ANKFN1: variants seen among roughly 807,000 people sequenced by gnomAD.
The protein encoded by ANKFN1 is ankyrin repeat and fibronectin type III domain containing 1.
A neutral mutation model predicts 108.7 loss-of-function variants in ANKFN1; 74 were observed. The ratio of observed to expected loss-of-function variants is 0.68; its 90% CI spans 0.56 to 0.83. The LOEUF (loss-of-function observed/expected upper bound fraction) is 0.83. ANKFN1 is among the 40% of genes least tolerant of loss of function. The pLI is 0.00. For missense variants in ANKFN1, 1,505 were observed against 1,382.3 expected (o/e 1.09, Z -1.41); for synonymous variants, 547 against 516.2 (o/e 1.06, Z -0.81).
intron 4 of ANKFN1, among the ~76,000 whole-genome samples, chr17:56,083,877 T>C (rs1412045965): frequency 6.6e-6 from 1 of 151,396 alleles, no homozygotes; most frequent in Non-Finnish European, 1.5e-5. Context: ...CTTACAACAA[T>C]GTAAATGACA....
intron 3 of ANKFN1, among the ~76,000 whole-genome samples, chr17:56,261,276 T>C (rs907187654): frequency 3.3e-5 from 5 of 152,220 alleles, no homozygotes; most frequent in Non-Finnish European, 7.3e-5. Context: ...CTGCCATTGT[T>C]AGAAGACCAA....
chr17:56,309,709 TATAC>T (rs1369666683), intron 3 of ANKFN1, among the ~76,000 whole-genome samples: 1 of 152,224 alleles, frequency 6.6e-6, no homozygotes, highest in Non-Finnish European at 1.5e-5. Context: ...ATGTTTTTCT[TATAC>T]ATACATACCT....
intron 4 of ANKFN1, among the ~76,000 whole-genome samples, chr17:56,065,678 G>A (rs891973918): frequency 4.6e-5 from 7 of 152,176 alleles, no homozygotes; most frequent in South Asian, 2.1e-4. Flanking sequence ...GGAATGGTTG[G>A]TGGAGCAGTC....
chr17:56,184,942 G>A (rs988114867), intron 1 of ANKFN1: 12 of 152,208 alleles, frequency 7.9e-5, no homozygotes, highest in Admixed American at 2.6e-4. Context: ...GGCTGCACAT[G>A]AGCTAACAGA....
In ANKFN1 at chr17:56,391,229, A is replaced by G. The variant is rs1469988868; in HGVS notation, c.910+16515A>G. ...CAAGAATACATATATATATATATAT[A>G]TATATATATATATATATATGTATGT... On this transcript the variant is annotated intron_variant, in intron 8 of 20. Coordinates refer to ENST00000682825, the MANE Select transcript of ANKFN1 (RefSeq NM_001370326.1). Among the ~76,000 whole-genome samples, 6 of 33,222 alleles carry G rather than the reference A, an allele frequency of 1.8e-4. No homozygotes were observed. In the South Asian group the frequency reaches 7.3e-3, roughly 40 times the overall value. 21.8% of individuals were successfully genotyped at this position (33,222 alleles called of 152,430 possible). A position where few individuals can be genotyped will look rare whatever the true frequency, so the allele number is the denominator to read the frequency against.
At chr17:56,421,767 A>G (rs1368356121) in intron 8 of ANKFN1, among the ~76,000 whole-genome samples, 1 of 152,180 alleles carries the variant, frequency 6.6e-6, no homozygotes, top group Non-Finnish European at 1.5e-5. Flanking sequence ...TTAACGACCC[A>G]ATCAGTGAAA....
At chr17:56,149,535 A>C (rs1305996900), upstream of ANKFN1, among the ~76,000 whole-genome samples, 1 of 152,182 alleles carries the variant, frequency 6.6e-6, no homozygotes. Flanking sequence ...TCAGGCTTAA[A>C]CAGAGAGGGC....
intron 1 of ANKFN1, chr17:56,207,012 G>C (rs1914594485): frequency 6.6e-6 from 1 of 152,252 alleles, no homozygotes; most frequent in Admixed American, 6.5e-5. Context: ...TCTCAGAGCA[G>C]AGTGCCCCAA....
At chr17:56,384,231 G>T (rs528077350) in intron 8 of ANKFN1, among the ~76,000 whole-genome samples, 3 of 152,110 alleles carry the variant, frequency 2.0e-5, no homozygotes, top group Admixed American at 2.0e-4. Flanking sequence ...CGAAAACCAC[G>T]TGATTATCTC....
chr17:56,510,767 C>A lies in ANKFN1; in HGVS notation c.2939C>A (p.Pro980His). 1 of 1,536,156 alleles carries A rather than the reference C, an allele frequency of 6.5e-7. No individual in the cohort carries two copies. Among genetic ancestry groups the A allele is most frequent in the Non-Finnish European group, 8.7e-7 (1 of 1,146,916 alleles). The change falls in exon 21 of 21, where the codon CCC becomes CAC. Residue 980 changes from proline to histidine, a missense_variant. Physicochemically the swap from Pro to His is moderately conservative, Grantham distance 77 (BLOSUM62 -2). Transcript: ENST00000682825. ...LHSLTLTGFTPKNHAKTVSGG... is the reference protein window; with the variant it reads ...LHSLTLTGFTHKNHAKTVSGG... Reference sequence around the variant, plus strand: ...AGCCTGACCCTCACGGGGTTCACACCCAAGAACCACGCCAAGACTGTGTCC... The same window carrying A: ...AGCCTGACCCTCACGGGGTTCACACACAAGAACCACGCCAAGACTGTGTCC...
At chr17:56,069,678 T>A (rs915001667) in intron 4 of ANKFN1, among the ~76,000 whole-genome samples, 7 of 152,050 alleles carry the variant, frequency 4.6e-5, no homozygotes, top group Admixed American at 1.3e-4. Flanking sequence ...AATCCTGAAA[T>A]GAAGGTGTTA....
chr17:56,170,807 T>TATATATATATACACACACACAC (rs1361307404), intron 1 of ANKFN1, among the ~76,000 whole-genome samples: 4 of 61,450 alleles, frequency 6.5e-5, no homozygotes, highest in African/African-American at 2.1e-4. Flanking sequence ...TATATATATA[T>TATATATATATACACACACACAC]ACACACACAC....
At chr17:56,442,346 G>A (rs2049133884) in intron 9 of ANKFN1, among the ~76,000 whole-genome samples, 1 of 152,114 alleles carries the variant, frequency 6.6e-6, no homozygotes, top group South Asian at 2.1e-4. Context: ...CACAAAAAGA[G>A]CAAGGCAGTT....
At chr17:56,381,729 T>G (rs992045526) in intron 8 of ANKFN1, among the ~76,000 whole-genome samples, 1 of 151,706 alleles carries the variant, frequency 6.6e-6, no homozygotes, top group Non-Finnish European at 1.5e-5. Flanking sequence ...GAAGGGAAGT[T>G]TAGAGAAAAA....
chr17:56,336,308 T>C (rs1021712574), intron 4 of ANKFN1, among the ~76,000 whole-genome samples: 4 of 152,224 alleles, frequency 2.6e-5, no homozygotes, highest in African/African-American at 9.6e-5. Flanking sequence ...AGCTCCTCTT[T>C]GTACCTCTGG....
intron 18 of ANKFN1, among the ~76,000 whole-genome samples, chr17:56,483,758 G>A (rs548036732): frequency 5.3e-5 from 8 of 152,260 alleles, no homozygotes; most frequent in Admixed American, 3.9e-4. Flanking sequence ...GAGTTCCTCA[G>A]CCAAAAAGCA....
intron 8 of ANKFN1, among the ~76,000 whole-genome samples, chr17:56,376,292 A>G (rs1401259034): frequency 6.6e-6 from 1 of 152,172 alleles, no homozygotes; most frequent in Non-Finnish European, 1.5e-5. Context: ...TGTTTGTAAT[A>G]CCTTAGATAA....
intron 4 of ANKFN1, among the ~76,000 whole-genome samples, chr17:56,063,181 A>T (rs1905005882): frequency 6.6e-6 from 1 of 151,688 alleles, no homozygotes; most frequent in African/African-American, 2.4e-5. Flanking sequence ...TGCCCTTAAC[A>T]TTTTTCCCTT....
intron 3 of ANKFN1, among the ~76,000 whole-genome samples, chr17:56,266,782 A>T (rs1378626535): frequency 1.3e-5 from 2 of 152,162 alleles, no homozygotes; most frequent in Admixed American, 6.6e-5. Context: ...TTTCCTTAGG[A>T]TTCATCACTA....
Sources: allele counts gnomAD v4.1 joint callset (sites outside exome capture counted in the v4.1 genomes callset), GRCh38; gene constraint gnomAD v4.1.1; transcripts MANE v1.5; gene names NCBI Gene and HGNC (gene_info 2026-07-23, HGNC 2026-07-21).